Variants in EP400 observed in about 807,000 individuals in gnomAD.
EP400 encodes the protein E1A-binding protein p400.
Under a neutral mutation model 354.1 loss-of-function variants are expected in EP400, and 105 were observed. The observed-to-expected ratio is 0.30, with a 90% confidence interval of 0.25 to 0.35. The LOEUF is 0.35. Among genes scored for constraint, EP400 ranks in the 10% least tolerant of loss-of-function variants. EP400 has a pLI of 1.00. For missense variants in EP400, 3,280 were observed against 4,121.0 expected, an observed-to-expected ratio of 0.80 and a Z score of 5.59; for synonymous variants, 1,646 against 1,716.9, an observed-to-expected ratio of 0.96 and a Z score of 1.02.
chr12:131,993,859 G>A (rs186258389), intron 11 of EP400, among the ~76,000 whole-genome samples: 89 of 152,334 alleles, frequency 5.8e-4, no homozygotes, highest in Non-Finnish European at 1.1e-3. Context: ...TGGCAGAAAC[G>A]GCATTATGTG....
Position 132,045,434 on chromosome 12 carries a change from G to A in EP400, c.6900G>A (p.Lys2300=). 1.2e-6 allele frequency: 2 copies of A among 1,614,224 alleles called. No homozygotes were observed. The highest frequency in any genetic ancestry group is 2.2e-5 in the South Asian group (2 of 91,082). The change falls in exon 38 of 53, where the codon AAG becomes AAA. Residue 2300 remains lysine, a synonymous_variant. Transcript: ENST00000389561. ...LKIRREGKEQ[K]KNILLKQQVP... The stretch of plus-strand genomic sequence containing the variant: ...TTCGCAGAGAGGGCAAGGAGCAGAA[G>A]AAGAATATTCTGCTGAAGCAGCAGG...
chr12:132,022,961 T>C (rs1894169946), intron 23 of EP400, among the ~76,000 whole-genome samples: 1 of 152,100 alleles, frequency 6.6e-6, no homozygotes, highest in Middle Eastern at 3.2e-3. Context: ...AAAAATACAT[T>C]CTTAGATTTT....
intron 2 of EP400, among the ~76,000 whole-genome samples, chr12:131,974,944 T>G (rs999939926): frequency 7.1e-6 from 1 of 141,086 alleles, no homozygotes; most frequent in African/African-American, 2.7e-5. Context: ...GAGCAGGGCT[T>G]GTGCCACTGT....
intron 2 of EP400, among the ~76,000 whole-genome samples, chr12:131,967,365 A>T (rs538027876): frequency 1.3e-5 from 2 of 151,306 alleles, no homozygotes; most frequent in South Asian, 4.2e-4. Flanking sequence ...TGGGTGACAG[A>T]GCAAGACTCT....
At chr12:131,976,697 G>A (rs576547883) in intron 2 of EP400, among the ~76,000 whole-genome samples, 208 of 152,280 alleles carry the variant, frequency 1.4e-3, no homozygotes, top group African/African-American at 4.9e-3. Flanking sequence ...GCGACAGAGC[G>A]AGACTCTGTC....
chr12:132,062,024 G>GTGCTCT (rs2136605759), intron 45 of EP400, 86 bp from the exon 46 acceptor site: 1 of 1,193,658 alleles, frequency 8.4e-7, no homozygotes, highest in East Asian at 2.4e-5. Context: ...CTGAAGTTGG[G>GTGCTCT]TGCTCTTGTC....
intron 45 of EP400, among the ~76,000 whole-genome samples, chr12:132,060,335 G>C (rs902182261): frequency 1.3e-5 from 2 of 152,160 alleles, no homozygotes; most frequent in Non-Finnish European, 2.9e-5. Context: ...ATTGAGCAGA[G>C]TCAATATTTG....
Position 131,990,778 on chromosome 12 carries a change from G to T in EP400, c.2629+64G>T. ...GTATTTTGTTCGGATTCTTTTCTCA[G>T]CAGGCAGTCTCCTGGCGCTGTGGCT... On this transcript the variant is annotated intron_variant, in intron 9 of 52. Coordinates refer to ENST00000389561, the MANE Select transcript of EP400 (RefSeq NM_015409.5). The surrounding 1 kb of genome is among the most constrained non-coding windows in gnomAD (Gnocchi z 4.2). The T allele has an allele frequency of 8.0e-7, 1 of 1,257,476 alleles. No homozygotes were observed. The highest frequency in any genetic ancestry group is 1.1e-6 in the Non-Finnish European group (1 of 876,016). The allele number at this position is 1,257,476 out of a possible 1,614,324, so 77.9% of individuals were successfully genotyped here. A position where few individuals can be genotyped will look rare whatever the true frequency, so the allele number is the denominator to read the frequency against.
In EP400 at chr12:132,025,197, A is replaced by G. The variant is rs1219806163; in HGVS notation, c.4856-449A>G. Among the ~76,000 whole-genome samples, 1 of 152,204 alleles carries G rather than the reference A, an allele frequency of 6.6e-6. No homozygotes were observed. The highest frequency in any genetic ancestry group is 1.5e-5 in the Non-Finnish European group (1 of 68,044). On this transcript the variant is annotated intron_variant, in intron 24 of 52. Transcript: ENST00000389561. This position sits in a 1 kb window ranked among gnomAD's most constrained non-coding sequence, Gnocchi z 4.1. ...TATCTTCTCCAGAGTAAAAGAAGTC[A>G]GAAAGATGTAGTCACACAAGATCCA...
chr12:132,045,944 TGTG>T, intron 39 of EP400, 44 bp downstream of exon 39: 2 of 1,602,992 alleles, frequency 1.2e-6, no homozygotes, highest in Non-Finnish European at 1.7e-6. Context: ...CACAGGCAGG[TGTG>T]GTGGCCGTGG....
intron 51 of EP400, chr12:132,076,101 A>G (rs532603767): frequency 6.1e-5 from 14 of 228,020 alleles, no homozygotes; most frequent in Non-Finnish European, 9.9e-5. Flanking sequence ...TCCCCACTTC[A>G]GCTGGCTGCC....
chr12:131,984,087 A>T (rs1464640074), intron 5 of EP400, among the ~76,000 whole-genome samples: 1 of 151,962 alleles, frequency 6.6e-6, no homozygotes, highest in Non-Finnish European at 1.5e-5. Flanking sequence ...TTTAGTAAAG[A>T]CGAGGTTTCT....
rs1161806587 is a variant in EP400 at position 132,023,694 on chromosome 12, A to G, written c.4691-83A>G. On this transcript the variant is annotated intron_variant, in intron 23 of 52. Coordinates refer to ENST00000389561, the MANE Select transcript of EP400 (RefSeq NM_015409.5). The stretch of plus-strand genomic sequence containing the variant: ...TCAGTTTATGATAGATGGTCATTAT[A>G]TACAAGAAACGACTGTCAATATGAC... 5 of 1,403,726 alleles carry G rather than the reference A, an allele frequency of 3.6e-6. No homozygotes were observed. In the East Asian group the frequency reaches 7.1e-5, roughly 20 times the overall value. 87.0% of individuals were successfully genotyped at this position (1,403,726 alleles called of 1,614,324 possible). A position where few individuals can be genotyped will look rare whatever the true frequency, so the allele number is the denominator to read the frequency against.
chr12:131,966,562 C>CAAAAAAAAAAAA (rs534384776), intron 2 of EP400, among the ~76,000 whole-genome samples: 6 of 57,518 alleles, frequency 1.0e-4, no homozygotes, highest in African/African-American at 3.4e-4. Flanking sequence ...TACCCTACCT[C>CAAAAAAAAAAAA]AAAAAAAAAA....
chr12:132,008,919 C>CTTT lies in EP400; in HGVS notation c.3304+2063_3304+2065dup, dbSNP rs774921042. ...ACAGGCGTGAGACACCGTGCCCAGC[C>CTTT]TTTTTTTTTTTTTTTTTTTTTTTAG... is the stretch of plus-strand genomic sequence containing the variant. On this transcript the variant is annotated intron_variant, in intron 15 of 52. Coordinates refer to ENST00000389561, the MANE Select transcript of EP400 (RefSeq NM_015409.5). 4.5e-3 allele frequency among the ~76,000 whole-genome samples: 513 copies of CTTT among 114,726 alleles called. 9 individuals carry two copies. The highest frequency in any genetic ancestry group is 0.019 in the South Asian group (60 of 3,140). 75.3% of individuals were successfully genotyped at this position (114,726 alleles called of 152,430 possible).
At position 131,959,715 on chromosome 12, in the gene EP400, A is replaced by G. The variant is rs142526227; in HGVS notation, c.-35-870A>G. 9.5e-4 allele frequency among the ~76,000 whole-genome samples: 145 copies of G among 152,234 alleles called. No individual in the cohort carries two copies. The Middle Eastern group carries it at 0.048, about 50-fold the overall frequency. On this transcript the variant is annotated intron_variant, in intron 1 of 52. Transcript: ENST00000389561. ...TCTCTCTCCCTTGAGACCTTCTCAC[A>G]GTTTCTTCTCTTCGTGTGTTCTTAG...
Position 131,990,184 on chromosome 12 carries a change from G to T in EP400, c.2550+80G>T, listed in dbSNP as rs1265364434. 3.3e-6 allele frequency: 5 copies of T among 1,512,246 alleles called. No individual in the cohort carries two copies. The highest frequency in any genetic ancestry group is 4.4e-6 in the Non-Finnish European group (5 of 1,129,224). 93.7% of individuals were successfully genotyped at this position (1,512,246 alleles called of 1,614,324 possible). ...GGCCACTTCCCGAGACCAGAGCTCG[G>T]GCACCTTGCTTAGGAAGCTTTCGAG... On this transcript the variant is annotated intron_variant, in intron 8 of 52. Coordinates refer to ENST00000389561, the MANE Select transcript of EP400 (RefSeq NM_015409.5). The surrounding 1 kb of genome is among the most constrained non-coding windows in gnomAD (Gnocchi z 4.2).
In EP400 at chr12:132,070,257, T is replaced by C. The variant is rs757386905; in HGVS notation, c.9021+616T>C. Among the ~76,000 whole-genome samples the C allele has an allele frequency of 1.3e-5, 2 of 152,230 alleles. No homozygotes were observed. Among genetic ancestry groups the C allele is most frequent in the Non-Finnish European group, 2.9e-5 (2 of 68,034 alleles). ...AGCAGGGGAGTTTTACCTTCTCAGCTAGTCTTACATCCTCTGGGAATTGGT... is the reference window on the plus strand; with the variant it reads ...AGCAGGGGAGTTTTACCTTCTCAGCCAGTCTTACATCCTCTGGGAATTGGT... On this transcript the variant is annotated intron_variant, in intron 51 of 52. Transcript: ENST00000389561. This position sits in a 1 kb window ranked among gnomAD's most constrained non-coding sequence, Gnocchi z 4.1.
chr12:131,992,027 C>T (rs1893056253), intron 10 of EP400, 146 bp from the exon 11 acceptor site: 4 of 786,450 alleles, frequency 5.1e-6, no homozygotes, highest in Admixed American at 2.0e-5. Flanking sequence ...CCCCGCTGCC[C>T]TGCCCCGACC....
Sources: gnomAD v4.1 joint callset for allele counts (sites outside exome capture counted in the v4.1 genomes callset) on GRCh38, gnomAD v4.1.1 for gene constraint, Gnocchi (gnomAD v3.1) non-coding constraint, MANE v1.5 for transcripts, NCBI Gene and HGNC (gene_info 2026-07-23, HGNC 2026-07-21) for gene names.